Variants in FAM107B observed in about 807,000 individuals in gnomAD.
FAM107B encodes the protein family with sequence similarity 107 member B.
A neutral mutation model predicts 31.5 loss-of-function variants in FAM107B; 21 were observed. That is an observed-to-expected ratio of 0.67 (90% CI 0.47 to 0.96). FAM107B has a LOEUF of 0.96. Among genes scored for constraint, FAM107B ranks in the 40% least tolerant of loss-of-function variants. FAM107B has a pLI of 0.00. For synonymous variants in FAM107B, 157 were observed against 141.5 expected, an observed-to-expected ratio of 1.11 and a Z score of -0.78; for missense variants, 452 against 377.1, an observed-to-expected ratio of 1.20 and a Z score of -1.64.
intron 2 of FAM107B, among the ~76,000 whole-genome samples, chr10:14,587,137 C>T (rs1450302399): frequency 6.6e-6 from 1 of 152,082 alleles, no homozygotes; most frequent in Non-Finnish European, 1.5e-5. Context: ...AGTCACACTG[C>T]AGAGATGAGA....
At chr10:14,582,160 A>G (rs971567640) in intron 2 of FAM107B, among the ~76,000 whole-genome samples, 2 of 152,168 alleles carry the variant, frequency 1.3e-5, no homozygotes, top group Non-Finnish European at 1.5e-5. Flanking sequence ...AAAGGGATCC[A>G]AGGTTGCTAG....
At chr10:14,650,001 T>C (rs899689921) in intron 2 of FAM107B, among the ~76,000 whole-genome samples, 7 of 152,186 alleles carry the variant, frequency 4.6e-5, no homozygotes, top group African/African-American at 1.7e-4. Flanking sequence ...GTTTCATCTC[T>C]TGGGTCAACA....
chr10:14,599,363 C>T (rs543653541), intron 2 of FAM107B, among the ~76,000 whole-genome samples: 16 of 152,288 alleles, frequency 1.1e-4, no homozygotes, highest in African/African-American at 3.9e-4. Context: ...GTTCTTACAC[C>T]CCAGTCTCTC....
intron 2 of FAM107B, among the ~76,000 whole-genome samples, chr10:14,618,896 C>A (rs1852922157): frequency 6.6e-6 from 1 of 151,918 alleles, no homozygotes; most frequent in African/African-American, 2.4e-5. Flanking sequence ...GTACGGTGGC[C>A]CTTAATCTGA....
chr10:14,524,922 T>C (rs904785385), intron 3 of FAM107B, among the ~76,000 whole-genome samples: 1 of 152,248 alleles, frequency 6.6e-6, no homozygotes, highest in Non-Finnish European at 1.5e-5. Context: ...TTACACAGTA[T>C]TCATTTTCCT....
At chr10:14,759,744 C>T (rs1052577837) in intron 1 of FAM107B, among the ~76,000 whole-genome samples, 5 of 151,888 alleles carry the variant, frequency 3.3e-5, no homozygotes, top group Non-Finnish European at 5.9e-5. Context: ...GGAGTCTCAC[C>T]TCTGCTGTGC....
At chr10:14,636,748 C>T (rs1853510189) in intron 2 of FAM107B, among the ~76,000 whole-genome samples, 1 of 152,086 alleles carries the variant, frequency 6.6e-6, no homozygotes, top group East Asian at 1.9e-4. Flanking sequence ...ATGCATATTG[C>T]TGTCTACTGA....
intron 2 of FAM107B, among the ~76,000 whole-genome samples, chr10:14,639,983 T>C (rs1467825495): frequency 2.0e-5 from 3 of 152,228 alleles, no homozygotes; most frequent in African/African-American, 7.2e-5. Flanking sequence ...GCCACCCGTT[T>C]CCTTCTTTGT....
At chr10:14,685,197 G>A (rs1311347163) in intron 1 of FAM107B, among the ~76,000 whole-genome samples, 2 of 147,308 alleles carry the variant, frequency 1.4e-5, no homozygotes, top group African/African-American at 2.5e-5. Context: ...CACCTGGGCT[G>A]GAGTGCAGAG....
At chr10:14,677,427 C>G (rs1854710718) in intron 1 of FAM107B, among the ~76,000 whole-genome samples, 1 of 152,178 alleles carries the variant, frequency 6.6e-6, no homozygotes, top group African/African-American at 2.4e-5. Context: ...TGAGACCATC[C>G]TGGCTAACAC....
In FAM107B at chr10:14,521,134, A is replaced by C; in HGVS notation, c.*56T>G. On this transcript the variant is annotated 3_prime_UTR_variant, in exon 5 of 5. Coordinates refer to ENST00000181796, the MANE Select transcript of FAM107B (RefSeq NM_031453.4). ...AGGGGCTTTTGCCCTGAGATTGAGA[A>C]GGCACCCACAGACAGCTCTGTGGGG... is the stretch of plus-strand genomic sequence containing the variant. 1.5e-6 allele frequency: 2 copies of C among 1,337,418 alleles called. No homozygotes were observed. Among genetic ancestry groups the C allele is most frequent in the South Asian group, 2.5e-5 (2 of 78,808 alleles). 82.8% of individuals were successfully genotyped at this position (1,337,418 alleles called of 1,614,324 possible).
chr10:14,577,493 G>A (rs966563922), intron 2 of FAM107B, among the ~76,000 whole-genome samples: 14 of 152,218 alleles, frequency 9.2e-5, no homozygotes, highest in South Asian at 2.1e-4. Flanking sequence ...TGCATAGTAC[G>A]AAGAAATAAA....
intron 2 of FAM107B, among the ~76,000 whole-genome samples, chr10:14,598,844 C>A (rs1022798254): frequency 6.6e-6 from 1 of 152,176 alleles, no homozygotes; most frequent in Non-Finnish European, 1.5e-5. Flanking sequence ...ATAACCCAGG[C>A]GACCTCACAG....
chr10:14,771,208 C>G (rs1310970032), intron 1 of FAM107B, among the ~76,000 whole-genome samples: 2 of 152,158 alleles, frequency 1.3e-5, no homozygotes, highest in Non-Finnish European at 2.9e-5. Flanking sequence ...TCAAAGCAAT[C>G]CCCCACACTG....
At chr10:14,586,330 G>GA (rs993041817) in intron 2 of FAM107B, among the ~76,000 whole-genome samples, 1 of 151,942 alleles carries the variant, frequency 6.6e-6, no homozygotes, top group African/African-American at 2.4e-5. Context: ...AAAAATAAAA[G>GA]AAAAAAATAT....
intron 1 of FAM107B, among the ~76,000 whole-genome samples, chr10:14,684,398 GCCAAGATCATGCCACAGCACT>G (rs1854922659): frequency 6.6e-6 from 1 of 152,154 alleles, no homozygotes; most frequent in Non-Finnish European, 1.5e-5. Flanking sequence ...GTTGCAGTGA[GCCAAGATCATGCCACAGCACT>G]CCAGCCTGGG....
At chr10:14,590,740 G>A (rs186982545) in intron 2 of FAM107B, among the ~76,000 whole-genome samples, 75 of 152,054 alleles carry the variant, frequency 4.9e-4, no homozygotes, top group Admixed American at 8.5e-4. Context: ...CCAGCACTTT[G>A]GGAGGGTGAG....
intron 1 of FAM107B, among the ~76,000 whole-genome samples, chr10:14,768,136 TGAAA>T (rs1833223063): frequency 1.3e-5 from 2 of 152,166 alleles, no homozygotes; most frequent in South Asian, 4.1e-4. Context: ...AAAATGTTAC[TGAAA>T]GAAATTAAAG....
intron 2 of FAM107B, among the ~76,000 whole-genome samples, chr10:14,580,525 A>G (rs542865401): frequency 3.1e-4 from 47 of 152,324 alleles, no homozygotes; most frequent in Admixed American, 1.3e-3. Context: ...TAGAAAAAAA[A>G]ATAAGTATCC....
Sources: gnomAD v4.1 joint callset for allele counts (sites outside exome capture counted in the v4.1 genomes callset) on GRCh38, gnomAD v4.1.1 for gene constraint, MANE v1.5 for transcripts, NCBI Gene and HGNC (gene_info 2026-07-23, HGNC 2026-07-21) for gene names.